Variants in EVL observed in about 807,000 individuals in gnomAD.
EVL encodes Enah/Vasp-like.
A neutral mutation model predicts 59.6 loss-of-function variants in EVL; 21 were observed. The observed-to-expected ratio is 0.35, with a 90% CI of 0.25 to 0.51. The LOEUF is 0.51. Ranked by LOEUF, EVL falls within the 20% of genes least tolerant of loss-of-function variation. The probability of loss-of-function intolerance (pLI) is 0.97; values close to 1 mark genes in which losing one functional copy is unlikely to be tolerated. For synonymous variants in EVL, 198 were observed against 203.5 expected, an observed-to-expected ratio of 0.97 and a Z score of 0.23; for missense variants, 462 against 546.6, an observed-to-expected ratio of 0.85 and a Z score of 1.54.
intron 1 of EVL, among the ~76,000 whole-genome samples, chr14:100,051,442 C>T (rs769815305): frequency 6.6e-6 from 1 of 152,168 alleles, no homozygotes; most frequent in Non-Finnish European, 1.5e-5. Flanking sequence ...GTATAATATT[C>T]TTCTGGTTTC....
rs931085510 is a variant in EVL, at chr14:100,065,495, T to A, written c.-6T>A. ...TCAGGGTTCCCTGTGCTGCCACTTT[T>A]CAGCCATGGCCACAAGGTGAGTATT... On this transcript the variant is annotated 5_prime_UTR_variant, in exon 1 of 14. Coordinates refer to ENST00000392920, the MANE Select transcript of EVL (RefSeq NM_016337.3). 2.0e-6 allele frequency: 3 copies of A among 1,522,098 alleles called. No homozygotes were observed. The highest frequency in any genetic ancestry group is 3.8e-5 in the Admixed American group (2 of 52,660). 94.3% of individuals were successfully genotyped at this position (1,522,098 alleles called of 1,614,324 possible).
intron 1 of EVL, among the ~76,000 whole-genome samples, chr14:100,056,400 T>A (rs1384552900): frequency 6.6e-6 from 1 of 151,904 alleles, no homozygotes; most frequent in African/African-American, 2.4e-5. Context: ...AAAAAAAAAA[T>A]TGCTTGGTTG....
chr14:100,005,094 CAG>C (rs2060970104), intron 1 of EVL, among the ~76,000 whole-genome samples: 1 of 152,200 alleles, frequency 6.6e-6, no homozygotes, highest in Non-Finnish European at 1.5e-5. Flanking sequence ...AAAATTATAA[CAG>C]AGACAGTGAA....
In EVL at chr14:100,120,355, A is replaced by G. The variant is rs547751913; in HGVS notation, c.359-3184A>G. On this transcript the variant is annotated intron_variant, in intron 3 of 13. Transcript: ENST00000392920. ...CTAAGTGTCTGATGCGAGCCAGGCTATGAGCGTGGAGTGCGGAGTGAGACG... is the reference window on the plus strand; with the variant it reads ...CTAAGTGTCTGATGCGAGCCAGGCTGTGAGCGTGGAGTGCGGAGTGAGACG... Among the ~76,000 whole-genome samples the G allele has an allele frequency of 6.6e-5, 10 of 152,324 alleles. No homozygotes were observed. The East Asian group carries it at 1.2e-3, about 18-fold the overall frequency.
At chr14:99,986,290 CAAAAAAAAAAAA>C (rs3072366) in intron 1 of EVL, among the ~76,000 whole-genome samples, 1 of 78,482 alleles carries the variant, frequency 1.3e-5, no homozygotes, top group Non-Finnish European at 2.6e-5. Context: ...GACTCTGTCT[CAAAAAAAAAAAA>C]AAAAAAAAAA....
At chr14:100,025,719 A>G (rs1022511138) in intron 1 of EVL, among the ~76,000 whole-genome samples, 1 of 151,734 alleles carries the variant, frequency 6.6e-6, no homozygotes, top group Non-Finnish European at 1.5e-5. Flanking sequence ...CCTGAGGTCA[A>G]GAGTTCAAGA....
At chr14:100,133,139 G>A (rs1018780173) in intron 8 of EVL, among the ~76,000 whole-genome samples, 2 of 152,226 alleles carry the variant, frequency 1.3e-5, no homozygotes, top group South Asian at 2.1e-4. Context: ...AGAGGGGCAC[G>A]TCTGCCAGAA....
chr14:99,972,138 A>C lies in EVL; in HGVS notation c.5+81A>C. ...GGGCTGGGGGCCCGCGGTGCCCCCG[A>C]GGGCGGGAGGGGGGCTCCACGGGCG... On this transcript the variant is annotated intron_variant, in intron 1 of 13. Coordinates refer to the EVL transcript ENST00000402714. This position sits in a 1 kb window ranked among gnomAD's most constrained non-coding sequence, Gnocchi z 4.4. 3.8e-6 allele frequency: 1 copy of C among 260,066 alleles called. No individual in the cohort carries two copies. Among genetic ancestry groups the C allele is most frequent in the Non-Finnish European group, 7.3e-6 (1 of 137,822 alleles). 16.1% of individuals were successfully genotyped at this position (260,066 alleles called of 1,614,324 possible).
Position 100,129,547 on chromosome 14 carries a change from C to G in EVL, c.718-16C>G. On this transcript the variant is annotated splice_polypyrimidine_tract_variant and intron_variant, in intron 6 of 13. Coordinates refer to ENST00000392920, the MANE Select transcript of EVL (RefSeq NM_016337.3). ...ATCAGCAGCAGAATCTAAAACGCGG[C>G]CTCCTTTTTCCTCAGCCAGAAGACG... 6.2e-7 allele frequency: 1 copy of G among 1,613,024 alleles called. No individual in the cohort carries two copies. Among genetic ancestry groups the G allele is most frequent in the Non-Finnish European group, 8.5e-7 (1 of 1,179,666 alleles).
intron 2 of EVL, among the ~76,000 whole-genome samples, chr14:100,090,562 C>T (rs187562864): frequency 2.2e-4 from 33 of 152,134 alleles, no homozygotes; most frequent in East Asian, 9.6e-4. Flanking sequence ...CCTGAACAAA[C>T]GATTAATGAC....
intron 1 of EVL, among the ~76,000 whole-genome samples, chr14:99,993,685 C>CTTTTTTTTTTTTTTTTTTT (rs532512303): frequency 2.3e-4 from 18 of 78,266 alleles, no homozygotes; most frequent in African/African-American, 3.6e-4. Context: ...TTCTTTCTTT[C>CTTTTTTTTTTTTTTTTTTT]TTTTTTTTTT....
intron 1 of EVL, among the ~76,000 whole-genome samples, chr14:100,049,577 C>G (rs936620365): frequency 3.9e-5 from 6 of 152,120 alleles, no homozygotes; most frequent in African/African-American, 1.4e-4. Context: ...TACTTCATAA[C>G]CCAGTTGGAA....
intron 2 of EVL, among the ~76,000 whole-genome samples, chr14:100,087,765 CCTGCTCTGCT>C (rs61264203): frequency 1.6e-4 from 24 of 151,816 alleles, no homozygotes; most frequent in Non-Finnish European, 2.9e-4. Context: ...AGACTGCAGT[CCTGCTCTGCT>C]CTGCTCTGCT....
At chr14:100,002,127 A>G (rs1050180028) in intron 1 of EVL, among the ~76,000 whole-genome samples, 2 of 152,176 alleles carry the variant, frequency 1.3e-5, no homozygotes, top group African/African-American at 4.8e-5. Flanking sequence ...AGTCAAAAAG[A>G]TAACTTCAGT....
At chr14:100,126,466 G>A (rs1888076645) in intron 4 of EVL, among the ~76,000 whole-genome samples, 1 of 152,204 alleles carries the variant, frequency 6.6e-6, no homozygotes, top group Admixed American at 6.5e-5. Context: ...CCTTCCATAA[G>A]GAGCTCTGTG....
chr14:99,973,441 T>G (rs929991900), intron 1 of EVL, among the ~76,000 whole-genome samples: 1 of 152,242 alleles, frequency 6.6e-6, no homozygotes, highest in East Asian at 1.9e-4. Flanking sequence ...TGTTCAGATA[T>G]CTTGCCCACA....
intron 1 of EVL, among the ~76,000 whole-genome samples, chr14:100,017,250 T>A (rs2061058479): frequency 6.6e-6 from 1 of 152,194 alleles, no homozygotes; most frequent in East Asian, 1.9e-4. Context: ...ACCTTATGAA[T>A]TGCCCTGAAA....
intron 4 of EVL, among the ~76,000 whole-genome samples, 163 bp from the exon 5 acceptor site, chr14:100,126,544 C>T (rs950043096): frequency 6.6e-6 from 1 of 152,202 alleles, no homozygotes; most frequent in East Asian, 1.9e-4. Flanking sequence ...CAGTCACATC[C>T]CCCTCCTCTG....
intron 1 of EVL, among the ~76,000 whole-genome samples, chr14:100,070,785 G>C (rs1397366887): frequency 6.6e-6 from 1 of 152,204 alleles, no homozygotes; most frequent in South Asian, 2.1e-4. Context: ...CTCTACAGTT[G>C]TCCCAAGGCT....
Sources: gnomAD v4.1 joint callset for allele counts (sites outside exome capture counted in the v4.1 genomes callset) on GRCh38, gnomAD v4.1.1 for gene constraint, Gnocchi (gnomAD v3.1) non-coding constraint, MANE v1.5 for transcripts, NCBI Gene and HGNC (gene_info 2026-07-23, HGNC 2026-07-21) for gene names.